CWC27: variants seen among roughly 807,000 people sequenced by gnomAD.
CWC27 encodes the protein spliceosome-associated protein CWC27 homolog.
CWC27 carries 47 observed loss-of-function variants against 63.6 expected under a neutral mutation model. The ratio of observed to expected loss-of-function variants is 0.74; its 90% CI spans 0.58 to 0.94. The LOEUF is 0.94. CWC27 is among the 40% of genes least tolerant of loss of function. CWC27 has a pLI of 0.00. For missense variants in CWC27, 495 were observed against 554.3 expected (o/e 0.89, Z 1.07); for synonymous variants, 175 against 179.8 (o/e 0.97, Z 0.22).
At chr5:64,885,010 A>G (rs965674351) in intron 10 of CWC27, among the ~76,000 whole-genome samples, 2 of 152,204 alleles carry the variant, frequency 1.3e-5, no homozygotes, top group Non-Finnish European at 2.9e-5. Flanking sequence ...ATAATTACTT[A>G]ATAAATGGTA....
intron 12 of CWC27, among the ~76,000 whole-genome samples, chr5:64,973,562 C>G (rs1051230282): frequency 1.3e-5 from 2 of 152,200 alleles, no homozygotes; most frequent in African/African-American, 4.8e-5. Context: ...AATCAAAATG[C>G]CTCCATGCAG....
intron 3 of CWC27, among the ~76,000 whole-genome samples, chr5:64,782,480 A>AAATAAATG (rs1402439621): frequency 6.6e-6 from 1 of 151,652 alleles, no homozygotes; most frequent in Admixed American, 6.6e-5. Context: ...ATAAATAAAT[A>AAATAAATG]AATTGTCTGT....
intron 10 of CWC27, among the ~76,000 whole-genome samples, chr5:64,855,344 C>T (rs1746226236): frequency 6.6e-6 from 1 of 152,088 alleles, no homozygotes. Context: ...AACTAGAAAA[C>T]ATGTCTTTCT....
intron 13 of CWC27, among the ~76,000 whole-genome samples, chr5:64,997,690 A>G (rs1243197837): frequency 6.6e-6 from 1 of 152,152 alleles, no homozygotes; most frequent in Non-Finnish European, 1.5e-5. Flanking sequence ...TGCCTCATTA[A>G]TGAACTGTAG....
chr5:65,001,057 A>G (rs571352258), intron 13 of CWC27, among the ~76,000 whole-genome samples: 14 of 151,626 alleles, frequency 9.2e-5, no homozygotes, highest in African/African-American at 3.4e-4. Context: ...ATTTATTCCT[A>G]GTTTGGTGTG....
At chr5:64,927,135 T>C (rs10059139) in intron 11 of CWC27, among the ~76,000 whole-genome samples, 26,981 of 152,096 alleles carry the variant, frequency 0.18, 2,717 homozygotes, top group South Asian at 0.34. Flanking sequence ...AGCTGAAAAA[T>C]TTTAGTTCAA....
intron 10 of CWC27, among the ~76,000 whole-genome samples, chr5:64,846,235 A>G (rs991530371): frequency 6.6e-6 from 1 of 152,260 alleles, no homozygotes; most frequent in African/African-American, 2.4e-5. Flanking sequence ...AAATAGTGCC[A>G]TATTCAGAAA....
intron 10 of CWC27, among the ~76,000 whole-genome samples, chr5:64,841,065 CT>C (rs1319485642): frequency 2.6e-5 from 4 of 152,192 alleles, no homozygotes; most frequent in African/African-American, 7.2e-5. Context: ...TGTCCATTTT[CT>C]GCTGCTATAA....
intron 13 of CWC27, among the ~76,000 whole-genome samples, chr5:65,000,766 T>C (rs576225102): frequency 5.3e-5 from 8 of 152,146 alleles, no homozygotes; most frequent in Non-Finnish European, 1.0e-4. Context: ...GTGTGATACC[T>C]CCAGCTTTGT....
At chr5:64,921,275 A>G (rs575561466) in intron 11 of CWC27, among the ~76,000 whole-genome samples, 2 of 151,858 alleles carry the variant, frequency 1.3e-5, no homozygotes, top group South Asian at 4.2e-4. Flanking sequence ...TTTCTTTTTT[A>G]TTGCTCTGTG....
intron 10 of CWC27, among the ~76,000 whole-genome samples, chr5:64,838,277 T>G (rs143754099): frequency 6.6e-6 from 1 of 152,262 alleles, no homozygotes; most frequent in African/African-American, 2.4e-5. Context: ...GATCCGATGT[T>G]TTTAGAAGTA....
rs74427806 is a variant in CWC27, at chr5:64,979,646, A to T, written c.1256+2408A>T. 5.3e-5 allele frequency among the ~76,000 whole-genome samples: 8 copies of T among 152,352 alleles called. No homozygotes were observed. In the East Asian group the frequency reaches 1.5e-3, roughly 29 times the overall value. On this transcript the variant is annotated intron_variant, in intron 13 of 13. Transcript: ENST00000381070. ...TGTGCATGTGTGTTATGCATAAATT[A>T]CATGGTTCCCAGACTATTTTGTAGG...
intron 10 of CWC27, among the ~76,000 whole-genome samples, chr5:64,826,478 T>C (rs1378393194): frequency 1.3e-5 from 2 of 152,164 alleles, no homozygotes; most frequent in Non-Finnish European, 2.9e-5. Context: ...CTGTGGTTGT[T>C]TGGAATGTCC....
intron 11 of CWC27, among the ~76,000 whole-genome samples, chr5:64,967,146 G>A (rs1390523747): frequency 6.6e-6 from 1 of 151,796 alleles, no homozygotes; most frequent in East Asian, 1.9e-4. Flanking sequence ...ACCCATATTT[G>A]TTTCAAAACA....
chr5:64,801,478 G>T, intron 9 of CWC27, 146 bp downstream of exon 9: 1 of 678,296 alleles, frequency 1.5e-6, no homozygotes, highest in African/African-American at 2.1e-5. Flanking sequence ...ATGAAAAACA[G>T]AAATTATTTA....
intron 7 of CWC27, among the ~76,000 whole-genome samples, chr5:64,795,042 A>G (rs950701531): frequency 2.6e-5 from 4 of 152,170 alleles, no homozygotes; most frequent in Non-Finnish European, 5.9e-5. Flanking sequence ...GAGTTATAGA[A>G]GGGCTTTTTC....
rs369227604 is a variant in CWC27 at position 65,018,219 on chromosome 5, A to G, written c.1317A>G (p.Gln439=). The part of the protein sequence containing the change: ...KSRKVKDASM[Q]DSDTFEIYDP... ...GAAAAGTGAAAGATGCAAGCATGCA[A>G]GACTCAGATACATTTGAAATCTATG... The change falls in exon 14 of 14, where the codon CAA becomes CAG. Residue 439 remains glutamine (Q), a synonymous_variant. Coordinates refer to ENST00000381070, the MANE Select transcript of CWC27 (RefSeq NM_005869.4). 1 of 1,609,990 alleles carries G rather than the reference A, an allele frequency of 6.2e-7. No individual in the cohort carries two copies. The highest frequency in any genetic ancestry group is 1.1e-5 in the South Asian group (1 of 90,046).
rs764637707 is a variant in CWC27, at chr5:64,885,428, CTT to C, written c.939-11_939-10del. 1 of 1,563,276 alleles carries C rather than the reference CTT, an allele frequency of 6.4e-7. No individual in the cohort carries two copies. The highest frequency in any genetic ancestry group is 8.7e-7 in the Non-Finnish European group (1 of 1,149,782). ...CAATATATTATATACTTATATAACTCTTTTTGCTTTATAGTGAAGAGCTCAGA... is the reference window on the plus strand; with the variant it reads ...CAATATATTATATACTTATATAACTCTTTGCTTTATAGTGAAGAGCTCAGA... On this transcript the variant is annotated splice_polypyrimidine_tract_variant and intron_variant, in intron 10 of 13. Coordinates refer to ENST00000381070, the MANE Select transcript of CWC27 (RefSeq NM_005869.4).
intron 13 of CWC27, among the ~76,000 whole-genome samples, chr5:65,016,340 C>T (rs1360149886): frequency 6.6e-6 from 1 of 152,060 alleles, no homozygotes; most frequent in Non-Finnish European, 1.5e-5. Context: ...AATTATGTAT[C>T]ATTAATAATA....
Sources: gnomAD v4.1 joint callset for allele counts (sites outside exome capture counted in the v4.1 genomes callset) on GRCh38, gnomAD v4.1.1 for gene constraint, MANE v1.5 for transcripts, NCBI Gene and HGNC (gene_info 2026-07-23, HGNC 2026-07-21) for gene names.